Variants in SCFD2 observed in about 807,000 individuals in gnomAD.
SCFD2 encodes sec1 family domain-containing protein 2.
Under a neutral mutation model 58.9 loss-of-function variants are expected in SCFD2, and 54 were observed. The ratio of observed to expected loss-of-function variants is 0.92; its 90% CI spans 0.74 to 1.15. The LOEUF (loss-of-function observed/expected upper bound fraction) is 1.15, where lower values mean the gene tolerates loss of function less well. Ranked by LOEUF, SCFD2 falls within the 50% of genes most tolerant of loss-of-function variation. The pLI, the probability that SCFD2 is intolerant of heterozygous loss-of-function variation, is 0.00. For synonymous variants in SCFD2, 321 were observed against 335.9 expected (o/e 0.96, Z 0.49); for missense variants, 805 against 836.6 (o/e 0.96, Z 0.47).
intron 5 of SCFD2, among the ~76,000 whole-genome samples, chr4:53,068,910 G>A (rs1262509086): frequency 4.6e-5 from 7 of 152,002 alleles, no homozygotes; most frequent in Non-Finnish European, 1.5e-5. Flanking sequence ...CACAGTCCAA[G>A]GCCAGCAAAG....
chr4:53,071,757 T>C (rs1346897329), intron 5 of SCFD2, among the ~76,000 whole-genome samples: 1 of 152,084 alleles, frequency 6.6e-6, no homozygotes, highest in Non-Finnish European at 1.5e-5. Context: ...TAAAAAATCA[T>C]TCTTAAAAAA....
At chr4:53,256,904 GGGGGAC>G (rs1156457044) in intron 4 of SCFD2, among the ~76,000 whole-genome samples, 3 of 135,336 alleles carry the variant, frequency 2.2e-5, no homozygotes, top group Admixed American at 7.3e-5. Context: ...GAGAGAGGGA[GGGGGAC>G]GGGGAGGGGG....
At chr4:53,287,857 T>C (rs1004496549) in intron 3 of SCFD2, among the ~76,000 whole-genome samples, 3 of 152,094 alleles carry the variant, frequency 2.0e-5, no homozygotes. Flanking sequence ...AAATAATTCA[T>C]GATCTGAATT....
At chr4:53,243,105 C>A (rs568643596) in intron 4 of SCFD2, among the ~76,000 whole-genome samples, 1 of 152,180 alleles carries the variant, frequency 6.6e-6, no homozygotes, top group Non-Finnish European at 1.5e-5. Context: ...GAGAGGCCAA[C>A]ATTCAAATTC....
At chr4:53,005,543 T>C (rs1170391613) in intron 5 of SCFD2, among the ~76,000 whole-genome samples, 2 of 152,214 alleles carry the variant, frequency 1.3e-5, no homozygotes, top group Admixed American at 1.3e-4. Flanking sequence ...AAGATCTTCA[T>C]GTTCCTTCAT....
chr4:53,071,350 A>G (rs1254270243), intron 5 of SCFD2, among the ~76,000 whole-genome samples: 2 of 152,120 alleles, frequency 1.3e-5, no homozygotes, highest in South Asian at 4.1e-4. Context: ...TGAGCCTAAT[A>G]TTAGGTGATA....
At chr4:53,138,055 G>T (rs1309999756) in intron 5 of SCFD2, among the ~76,000 whole-genome samples, 1 of 151,924 alleles carries the variant, frequency 6.6e-6, no homozygotes, top group Non-Finnish European at 1.5e-5. Flanking sequence ...CTATGCACAT[G>T]ATGAGAAAAG....
intron 5 of SCFD2, among the ~76,000 whole-genome samples, chr4:53,139,407 CG>C (rs1726049781): frequency 7.4e-6 from 1 of 134,620 alleles, no homozygotes; most frequent in Non-Finnish European, 1.7e-5. Flanking sequence ...TCCCGGCTGC[CG>C]GCCGTCATCC....
At chr4:52,997,167 G>T (rs908134637) in intron 5 of SCFD2, among the ~76,000 whole-genome samples, 13 of 152,108 alleles carry the variant, frequency 8.5e-5, no homozygotes, top group African/African-American at 3.1e-4. Context: ...AAATCTTTAG[G>T]ACTGAACCCC....
chr4:52,929,531 G>T (rs577385311), intron 5 of SCFD2, among the ~76,000 whole-genome samples: 4 of 152,298 alleles, frequency 2.6e-5, no homozygotes, highest in Non-Finnish European at 4.4e-5. Context: ...GTTGCAAGTG[G>T]CTGCCCAGCT....
At chr4:53,144,651 A>G (rs372322139) in intron 5 of SCFD2, among the ~76,000 whole-genome samples, 1 of 151,690 alleles carries the variant, frequency 6.6e-6, no homozygotes, top group Non-Finnish European at 1.5e-5. Flanking sequence ...TGAAATGACA[A>G]TCTCACAGAG....
chr4:52,980,338 T>G (rs2109565894), intron 5 of SCFD2, among the ~76,000 whole-genome samples: 1 of 152,292 alleles, frequency 6.6e-6, no homozygotes, highest in Non-Finnish European at 1.5e-5. Context: ...GAAGGTTCAG[T>G]GTTGAGTAAT....
At chr4:52,956,666 C>T (rs956287825) in intron 5 of SCFD2, 2 of 169,574 alleles carry the variant, frequency 1.2e-5, no homozygotes, top group African/African-American at 4.8e-5. Context: ...TAGTAAAGTC[C>T]TAGACAAGAA....
intron 5 of SCFD2, among the ~76,000 whole-genome samples, chr4:53,082,507 A>G (rs1264544738): frequency 1.3e-5 from 2 of 152,114 alleles, no homozygotes; most frequent in Non-Finnish European, 2.9e-5. Context: ...GAAAATGGCT[A>G]GTTAATTTTA....
At chr4:53,151,631 T>A (rs1405916957) in intron 4 of SCFD2, among the ~76,000 whole-genome samples, 2 of 152,196 alleles carry the variant, frequency 1.3e-5, no homozygotes, top group Non-Finnish European at 2.9e-5. Flanking sequence ...CCTTCTATGG[T>A]GCACAGCCTG....
At chr4:53,067,912 G>A (rs560465564) in intron 5 of SCFD2, among the ~76,000 whole-genome samples, 2 of 152,184 alleles carry the variant, frequency 1.3e-5, no homozygotes, top group Admixed American at 1.3e-4. Flanking sequence ...GGCTGATAGA[G>A]TTTGGGGTTC....
intron 2 of SCFD2, among the ~76,000 whole-genome samples, chr4:53,349,540 G>C (rs1297687283): frequency 1.3e-5 from 2 of 152,134 alleles, no homozygotes; most frequent in African/African-American, 4.8e-5. Flanking sequence ...CTTGTCAGTA[G>C]CAAAGAAACC....
At chr4:53,000,078 G>A (rs1366726976) in intron 5 of SCFD2, among the ~76,000 whole-genome samples, 2 of 152,200 alleles carry the variant, frequency 1.3e-5, no homozygotes, top group African/African-American at 4.8e-5. Context: ...CTGGGGCATA[G>A]CAGATGCTCA....
At chr4:52,942,424 A>C (rs1489150055) in intron 5 of SCFD2, among the ~76,000 whole-genome samples, 1 of 152,164 alleles carries the variant, frequency 6.6e-6, no homozygotes, top group East Asian at 1.9e-4. Flanking sequence ...TCTTAGCTGG[A>C]AGTGCTAACT....
Sources: allele counts gnomAD v4.1 joint callset (sites outside exome capture counted in the v4.1 genomes callset), GRCh38; gene constraint gnomAD v4.1.1; transcripts MANE v1.5; gene names NCBI Gene and HGNC (gene_info 2026-07-23, HGNC 2026-07-21).